Variants in ENOX1 observed in about 807,000 individuals in gnomAD.
The protein encoded by ENOX1 is candidate growth-related and time keeping constitutive hydroquinone (NADH) oxidase.
ENOX1 carries 42 observed loss-of-function variants against 82.5 expected under a neutral mutation model. That is an observed-to-expected ratio of 0.51 (90% CI 0.40 to 0.66). The LOEUF (loss-of-function observed/expected upper bound fraction) is 0.66. ENOX1 is among the 30% of genes least tolerant of loss of function. The probability of loss-of-function intolerance (pLI) is 0.00; values close to 1 mark genes in which losing one functional copy is unlikely to be tolerated. For missense variants in ENOX1, 608 were observed against 811.6 expected (o/e 0.75, Z 3.05); for synonymous variants, 271 against 282.2 (o/e 0.96, Z 0.40).
intron 1 of ENOX1, among the ~76,000 whole-genome samples, chr13:43,729,145 A>G (rs1188544979): frequency 6.6e-6 from 1 of 152,254 alleles, no homozygotes; most frequent in Non-Finnish European, 1.5e-5. Flanking sequence ...AATATGGAAC[A>G]GAAAATTCAA....
chr13:43,411,664 TA>T (rs982480729), intron 5 of ENOX1, among the ~76,000 whole-genome samples: 1 of 152,208 alleles, frequency 6.6e-6, no homozygotes, highest in Non-Finnish European at 1.5e-5. Context: ...TTACCAATTT[TA>T]AAAAACGCAA....
At chr13:43,592,510 A>G (rs1192424733) in intron 2 of ENOX1, among the ~76,000 whole-genome samples, 2 of 152,216 alleles carry the variant, frequency 1.3e-5, no homozygotes, top group Non-Finnish European at 2.9e-5. Context: ...TATTCTTGTC[A>G]GTAATAGAAT....
At chr13:43,581,603 A>T (rs1412516242) in intron 2 of ENOX1, among the ~76,000 whole-genome samples, 1 of 152,214 alleles carries the variant, frequency 6.6e-6, no homozygotes, top group Admixed American at 6.5e-5. Context: ...AAAAAGTTTT[A>T]AAAACATTTT....
chr13:43,406,031 T>C (rs74820451), intron 5 of ENOX1, among the ~76,000 whole-genome samples: 1,618 of 152,342 alleles, frequency 0.011, 18 homozygotes, highest in Non-Finnish European at 0.014. Flanking sequence ...GCATAACATC[T>C]GGCTCAATAA....
intron 5 of ENOX1, among the ~76,000 whole-genome samples, chr13:43,396,565 GA>G (rs1431740003): frequency 6.6e-6 from 1 of 152,032 alleles, no homozygotes; most frequent in Non-Finnish European, 1.5e-5. Flanking sequence ...ATTTTTAGTA[GA>G]GACACGGTTT....
chr13:43,762,603 G>A (rs1951047326), intron 1 of ENOX1, among the ~76,000 whole-genome samples: 1 of 152,128 alleles, frequency 6.6e-6, no homozygotes, highest in Non-Finnish European at 1.5e-5. Flanking sequence ...GTAAATGTAA[G>A]CCAGTGGCAT....
Position 43,604,716 on chromosome 13 carries a change from G to A in ENOX1, c.-219+62763C>T, listed in dbSNP as rs540378142. 7.9e-5 allele frequency among the ~76,000 whole-genome samples: 12 copies of A among 152,242 alleles called. No homozygotes were observed. In the South Asian group the frequency reaches 2.5e-3, roughly 32 times the overall value. On this transcript the variant is annotated intron_variant, in intron 2 of 16. Transcript: ENST00000690772. Reference sequence around the variant, plus strand: ...ATCAAGTTTATAAGATCTGGAACATGACATCAATGCCCACTTTCACCACTG... The same window carrying A: ...ATCAAGTTTATAAGATCTGGAACATAACATCAATGCCCACTTTCACCACTG...
At chr13:43,532,878 T>C (rs1169571476) in intron 2 of ENOX1, among the ~76,000 whole-genome samples, 1 of 150,598 alleles carries the variant, frequency 6.6e-6, no homozygotes, top group Non-Finnish European at 1.5e-5. Flanking sequence ...TAAATATATA[T>C]ACAAATATAT....
At chr13:43,404,711 T>C (rs1166554876) in intron 5 of ENOX1, among the ~76,000 whole-genome samples, 5 of 152,212 alleles carry the variant, frequency 3.3e-5, no homozygotes, top group Non-Finnish European at 7.3e-5. Flanking sequence ...CTCTAGTGCC[T>C]TGTAAAAAAT....
intron 3 of ENOX1, among the ~76,000 whole-genome samples, chr13:43,464,284 T>C (rs2057622029): frequency 6.6e-6 from 1 of 151,998 alleles, no homozygotes; most frequent in Non-Finnish European, 1.5e-5. Flanking sequence ...GAAATAAATA[T>C]AGGAGGCAAG....
At chr13:43,366,694 G>A (rs557157654) in intron 5 of ENOX1, among the ~76,000 whole-genome samples, 2 of 152,218 alleles carry the variant, frequency 1.3e-5, no homozygotes, top group Admixed American at 1.3e-4. Context: ...CTGGGTGAAG[G>A]CAGTATATCA....
At chr13:43,774,145 T>TCCACTTAAAAACTCTCTCTTCATG (rs1421243287) in intron 1 of ENOX1, among the ~76,000 whole-genome samples, 1 of 152,192 alleles carries the variant, frequency 6.6e-6, no homozygotes, top group East Asian at 1.9e-4. Flanking sequence ...CCAAGAAAAT[T>TCCACTTAAAAACTCTCTCTTCATG]CCACTTAAAA....
At chr13:43,418,089 G>A (rs1410837173) in intron 3 of ENOX1, among the ~76,000 whole-genome samples, 4 of 152,016 alleles carry the variant, frequency 2.6e-5, no homozygotes, top group Non-Finnish European at 1.5e-5. Flanking sequence ...CATGCCTGTA[G>A]TCCCAGCTAC....
intron 11 of ENOX1, among the ~76,000 whole-genome samples, chr13:43,307,947 C>T (rs1175100466): frequency 6.6e-6 from 1 of 152,188 alleles, no homozygotes; most frequent in Admixed American, 6.5e-5. Flanking sequence ...GGAGAGGAGG[C>T]CCCTCCCATG....
chr13:43,299,778 A>G (rs1428646983), intron 11 of ENOX1, among the ~76,000 whole-genome samples: 1 of 152,222 alleles, frequency 6.6e-6, no homozygotes, highest in Non-Finnish European at 1.5e-5. Flanking sequence ...GCTTGTTACC[A>G]GAAACTTCAA....
At chr13:43,252,889 G>A (rs2043536924) in intron 14 of ENOX1, among the ~76,000 whole-genome samples, 1 of 152,166 alleles carries the variant, frequency 6.6e-6, no homozygotes, top group Non-Finnish European at 1.5e-5. Context: ...AGGGAAGGGG[G>A]GATCTCCATC....
chr13:43,551,525 A>T (rs2079194847), intron 2 of ENOX1, among the ~76,000 whole-genome samples: 1 of 152,204 alleles, frequency 6.6e-6, no homozygotes, highest in Non-Finnish European at 1.5e-5. Flanking sequence ...TTAAGATAAA[A>T]ACATTTTTAT....
At position 43,484,096 on chromosome 13, in the gene ENOX1, G is replaced by T; in HGVS notation, c.-162C>A. 3.0e-6 allele frequency: 3 copies of T among 985,416 alleles called. No homozygotes were observed. Among genetic ancestry groups the T allele is most frequent in the Non-Finnish European group, 3.6e-6 (3 of 829,856 alleles). 61.0% of individuals were successfully genotyped at this position (985,416 alleles called of 1,614,324 possible). ...ATTCATAAAAGTCTTTTAAATGGAT[G>T]CTCTTCACAAAGGAAGTCTCATGGA... On this transcript the variant is annotated 5_prime_UTR_variant, in exon 3 of 17. Coordinates refer to ENST00000690772, the MANE Select transcript of ENOX1 (RefSeq NM_001347969.2).
rs138231200 is a variant in ENOX1 at position 43,648,997 on chromosome 13, G to A, written c.-219+18482C>T. Among the ~76,000 whole-genome samples the A allele has an allele frequency of 6.5e-4, 99 of 152,270 alleles. No individual in the cohort carries two copies. The Middle Eastern group carries it at 0.024, about 37-fold the overall frequency. On this transcript the variant is annotated intron_variant, in intron 2 of 16. Transcript: ENST00000690772. ...ACCCAGACACAGTGCTAGAGCCTAC[G>A]CAGACCACAGCTGTCTCTACTGCAC...
Sources: allele counts gnomAD v4.1 joint callset (sites outside exome capture counted in the v4.1 genomes callset), GRCh38; gene constraint gnomAD v4.1.1; transcripts MANE v1.5; gene names NCBI Gene and HGNC (gene_info 2026-07-23, HGNC 2026-07-21).